The following IL33 variants were observed in gnomAD, a reference collection of about 807,000 sequenced individuals.
The protein encoded by IL33 is interleukin-33.
IL33 carries 37 observed loss-of-function variants against 27.3 expected under a neutral mutation model. The observed-to-expected ratio is 1.36, with a 90% CI of 1.04 to 1.78. The LOEUF is 1.78. Ranked by LOEUF, IL33 falls within the 40% of genes most tolerant of loss-of-function variation. The pLI, the probability that IL33 is intolerant of heterozygous loss-of-function variation, is 0.00. For missense variants in IL33, 406 were observed against 311.4 expected, an observed-to-expected ratio of 1.30 and a Z score of -2.29; for synonymous variants, 132 against 102.9, an observed-to-expected ratio of 1.28 and a Z score of -1.71.
chr9:6,232,679 C>T (rs1818981986), intron 1 of IL33, among the ~76,000 whole-genome samples: 1 of 152,182 alleles, frequency 6.6e-6, no homozygotes, highest in Non-Finnish European at 1.5e-5. Context: ...ATCCCCAACC[C>T]TGGGCCCAAC....
At chr9:6,241,918 G>A in intron 2 of IL33, 133 bp downstream of exon 2, 1 of 661,956 alleles carries the variant, frequency 1.5e-6, no homozygotes, top group South Asian at 2.2e-5. Context: ...AAAAAGAGAT[G>A]GCACATAAGG....
At chr9:6,250,977 G>A (rs1177462921) in intron 3 of IL33, among the ~76,000 whole-genome samples, 163 bp from the exon 4 acceptor site, 1 of 152,082 alleles carries the variant, frequency 6.6e-6, no homozygotes. Flanking sequence ...TTCTACTGGG[G>A]AATAAGTGTG....
At chr9:6,245,276 T>G (rs1819768960) in intron 2 of IL33, among the ~76,000 whole-genome samples, 1 of 152,354 alleles carries the variant, frequency 6.6e-6, no homozygotes, top group East Asian at 1.9e-4. Flanking sequence ...ATATTTTTAA[T>G]GAAAATCTAA....
At chr9:6,253,714 A>G in intron 6 of IL33, 112 bp downstream of exon 6, 2 of 699,406 alleles carry the variant, frequency 2.9e-6, no homozygotes, top group Non-Finnish European at 4.8e-6. Flanking sequence ...TCAGAAGGTT[A>G]TCTCCAACCC....
At chr9:6,221,113 C>T (rs1272794197) in intron 1 of IL33, among the ~76,000 whole-genome samples, 1 of 152,108 alleles carries the variant, frequency 6.6e-6, no homozygotes, top group Non-Finnish European at 1.5e-5. Flanking sequence ...AAGTTTCAGG[C>T]ACAGAAATAA....
At chr9:6,228,055 T>A (rs548533499) in intron 1 of IL33, among the ~76,000 whole-genome samples, 5 of 152,358 alleles carry the variant, frequency 3.3e-5, no homozygotes, top group South Asian at 2.1e-4. Flanking sequence ...ATAATAATGC[T>A]ACCCTAACAA....
chr9:6,247,349 C>T (rs1819918545), intron 2 of IL33, among the ~76,000 whole-genome samples: 1 of 152,108 alleles, frequency 6.6e-6, no homozygotes, highest in Admixed American at 6.6e-5. Context: ...CCTGAGAGTC[C>T]AATGCCACAG....
At chr9:6,252,610 TC>T (rs1219492922) in intron 4 of IL33, among the ~76,000 whole-genome samples, 1 of 152,174 alleles carries the variant, frequency 6.6e-6, no homozygotes, top group Admixed American at 6.5e-5. Flanking sequence ...ATTTTCTTTT[TC>T]CCCACCAAAC....
chr9:6,250,599 G>T lies in IL33; in HGVS notation c.217G>T (p.Gly73Cys), dbSNP rs948888416. ...ETTKRPSLKT[G>C]RKHKRHLVLA... ...CACCAAAAGGCCTTCACTGAAAACA[G>T]GTAAGGGGAACCGTACATTCTCTGG... The change falls in exon 3 of 8, where the codon GGT (glycine) becomes TGT (cysteine). Residue 73 changes from glycine (G) to cysteine (C), a missense_variant and splice_region_variant. Coordinates refer to ENST00000682010, the MANE Select transcript of IL33 (RefSeq NM_033439.4). The T allele has an allele frequency of 6.2e-7, 1 of 1,612,460 alleles. No individual in the cohort carries two copies. The highest frequency in any genetic ancestry group is 8.5e-7 in the Non-Finnish European group (1 of 1,179,466).
intron 1 of IL33, among the ~76,000 whole-genome samples, chr9:6,237,470 C>CTCTA (rs1426666253): frequency 2.6e-4 from 39 of 152,174 alleles, no homozygotes; most frequent in African/African-American, 9.4e-4. Flanking sequence ...TTTTCAGCTT[C>CTCTA]TCTATCTTGC....
Position 6,250,455 on chromosome 9 carries a change from A to T in IL33, c.92-19A>T. ...GATGAATGGAATGAAACAGTCTCACAAGTTTTTCAATTGTTTAGAATCCCA... is the reference window on the plus strand; with the variant it reads ...GATGAATGGAATGAAACAGTCTCACTAGTTTTTCAATTGTTTAGAATCCCA... On this transcript the variant is annotated intron_variant, in intron 2 of 7. Coordinates refer to ENST00000682010, the MANE Select transcript of IL33 (RefSeq NM_033439.4). The T allele has an allele frequency of 6.2e-7, 1 of 1,610,128 alleles. No homozygotes were observed. Among genetic ancestry groups the T allele is most frequent in the Non-Finnish European group, 8.5e-7 (1 of 1,178,420 alleles).
At chr9:6,249,115 G>A (rs771445715) in intron 2 of IL33, among the ~76,000 whole-genome samples, 1 of 152,202 alleles carries the variant, frequency 6.6e-6, no homozygotes, top group Admixed American at 6.5e-5. Flanking sequence ...CAATGGTAGA[G>A]AGTTCTAGAG....
chr9:6,236,923 T>C (rs574414998), intron 1 of IL33, among the ~76,000 whole-genome samples: 1 of 152,254 alleles, frequency 6.6e-6, no homozygotes, highest in East Asian at 1.9e-4. Context: ...ATAATCTCTG[T>C]TTAGGATCTG....
At chr9:6,227,273 G>C (rs190653997) in intron 1 of IL33, among the ~76,000 whole-genome samples, 2 of 152,224 alleles carry the variant, frequency 1.3e-5, no homozygotes, top group African/African-American at 2.4e-5. Flanking sequence ...TTTATCTCCT[G>C]GTCCTGATTC....
chr9:6,218,930 A>G (rs1320359732), intron 1 of IL33, among the ~76,000 whole-genome samples: 2 of 122,568 alleles, frequency 1.6e-5, no homozygotes, highest in Non-Finnish European at 3.5e-5. Flanking sequence ...ATATATATAT[A>G]TATATATATA....
At position 6,251,252 on chromosome 9, in the gene IL33, T is replaced by C. The variant is rs1279011661; in HGVS notation, c.330T>C (p.Asp110=). The C allele has an allele frequency of 6.2e-7, 1 of 1,613,582 alleles. No individual in the cohort carries two copies. The highest frequency in any genetic ancestry group is 8.5e-7 in the Non-Finnish European group (1 of 1,179,636). The part of the protein sequence containing the change: ...GVQKYTRALH[D]SSITGISPIT... ...AGAAATATACTAGAGCACTTCATGA[T>C]TCAAGTATCACAGGTATGACTGGTT... The change falls in exon 4 of 8, where the codon GAT becomes GAC. Residue 110 remains aspartate (D), a synonymous_variant. Coordinates refer to ENST00000682010, the MANE Select transcript of IL33 (RefSeq NM_033439.4).
At position 6,256,059 on chromosome 9, in the gene IL33, A is replaced by C. The variant is rs774334339; in HGVS notation, c.704A>C (p.Asp235Ala). The change falls in exon 8 of 8, where the codon GAT becomes GCT. Residue 235 changes from aspartate to alanine, a missense_variant. Physicochemically the swap from Asp to Ala is moderately radical, Grantham distance 126. Transcript: ENST00000682010. ...TGTGTTTCATTTGAATGCAAGACTG[A>C]TCCTGGAGTGTTTATAGGTGTAAAG... ...SNCVSFECKTDPGVFIGVKDN... is the reference protein window; with the variant it reads ...SNCVSFECKTAPGVFIGVKDN... 1 of 1,613,358 alleles carries C rather than the reference A, an allele frequency of 6.2e-7. No homozygotes were observed. Among genetic ancestry groups the C allele is most frequent in the Non-Finnish European group, 8.5e-7 (1 of 1,179,346 alleles).
At chr9:6,247,044 G>T (rs1819899226) in intron 2 of IL33, among the ~76,000 whole-genome samples, 1 of 152,126 alleles carries the variant, frequency 6.6e-6, no homozygotes, top group Non-Finnish European at 1.5e-5. Flanking sequence ...TGGGGAGAAA[G>T]AAAAACAGAT....
chr9:6,231,103 T>G (rs1587622669), intron 1 of IL33, among the ~76,000 whole-genome samples: 1 of 152,228 alleles, frequency 6.6e-6, no homozygotes, highest in Non-Finnish European at 1.5e-5. Context: ...TCTGAATTAA[T>G]GCAGACTCCT....
Sources: gnomAD v4.1 joint callset for allele counts (sites outside exome capture counted in the v4.1 genomes callset) on GRCh38, gnomAD v4.1.1 for gene constraint, MANE v1.5 for transcripts, NCBI Gene and HGNC (gene_info 2026-07-23, HGNC 2026-07-21) for gene names.